The following SAMD8 variants were observed in gnomAD, a reference collection of about 807,000 sequenced individuals.
SAMD8 encodes the protein sterile alpha motif domain containing 8.
SAMD8 carries 20 observed loss-of-function variants against 42.0 expected under a neutral mutation model. The observed-to-expected ratio is 0.48, with a 90% CI of 0.34 to 0.69. The LOEUF (loss-of-function observed/expected upper bound fraction) is 0.69. SAMD8 is among the 30% of genes least tolerant of loss of function. The probability of loss-of-function intolerance (pLI) is 0.01; values close to 1 mark genes in which losing one functional copy is unlikely to be tolerated. For missense variants in SAMD8, 328 were observed against 511.6 expected, an observed-to-expected ratio of 0.64 and a Z score of 3.46; for synonymous variants, 162 against 173.0, an observed-to-expected ratio of 0.94 and a Z score of 0.50.
At chr10:75,167,660 A>G (rs536369014) in intron 3 of SAMD8, among the ~76,000 whole-genome samples, 1 of 152,330 alleles carries the variant, frequency 6.6e-6, no homozygotes, top group East Asian at 1.9e-4. Context: ...TGGCACAATC[A>G]TAGCTTGCTG....
At chr10:75,163,362 AT>A (rs1415176357) in intron 2 of SAMD8, among the ~76,000 whole-genome samples, 1 of 152,124 alleles carries the variant, frequency 6.6e-6, no homozygotes, top group Non-Finnish European at 1.5e-5. Flanking sequence ...CTATTGGACT[AT>A]TTTGTTCGTT....
chr10:75,135,390 T>C (rs1849370862), intron 1 of SAMD8, among the ~76,000 whole-genome samples: 1 of 148,022 alleles, frequency 6.8e-6, no homozygotes, highest in African/African-American at 2.5e-5. Context: ...GAGGCAGAGG[T>C]TGCGGTGAGC....
intron 1 of SAMD8, among the ~76,000 whole-genome samples, chr10:75,135,681 C>CT (rs1183401797): frequency 6.6e-6 from 1 of 151,174 alleles, no homozygotes; most frequent in East Asian, 2.0e-4. Flanking sequence ...AAAAAATTAA[C>CT]TGGGCATGGT....
At chr10:75,152,584 G>A (rs1840318288) in intron 2 of SAMD8, among the ~76,000 whole-genome samples, 1 of 152,018 alleles carries the variant, frequency 6.6e-6, no homozygotes, top group Non-Finnish European at 1.5e-5. Context: ...CAGGCATGGT[G>A]GCTCATGCCT....
At chr10:75,165,885 A>T (rs1487373967) in intron 3 of SAMD8, among the ~76,000 whole-genome samples, 1 of 144,090 alleles carries the variant, frequency 6.9e-6, no homozygotes, top group African/African-American at 2.6e-5. Flanking sequence ...CTGAGGTGGG[A>T]GGATTGCTTG....
At chr10:75,169,169 C>CA (rs1023080854) in intron 4 of SAMD8, among the ~76,000 whole-genome samples, 3,882 of 29,574 alleles carry the variant, frequency 0.13, 435 homozygotes, top group African/African-American at 0.27. Context: ...GACTCCATCT[C>CA]AAAAAAAAAA....
At chr10:75,141,013 C>T (rs538191838) in intron 1 of SAMD8, among the ~76,000 whole-genome samples, 1 of 152,088 alleles carries the variant, frequency 6.6e-6, no homozygotes, top group Non-Finnish European at 1.5e-5. Context: ...GTATTTTATA[C>T]ATTTTAATTT....
chr10:75,179,617 TC>T lies in SAMD8; in HGVS notation c.*2926del, dbSNP rs1485522092. ...ATAAGGCAGTGTTTACATAAATTAA[TC>T]ATCTCTTTCTTGGAAAACATTGAGA... On this transcript the variant is annotated 3_prime_UTR_variant, in exon 6 of 6. Coordinates refer to ENST00000542569, the MANE Select transcript of SAMD8 (RefSeq NM_001174156.2). The T allele has an allele frequency of 1.8e-4, 28 of 152,356 alleles. No homozygotes were observed. Among genetic ancestry groups the T allele is most frequent in the African/African-American group, 6.0e-4 (25 of 41,592 alleles). The allele number at this position is 152,356 out of a possible 1,614,324, so 9.4% of individuals were successfully genotyped here. A position where few individuals can be genotyped will look rare whatever the true frequency, so the allele number is the denominator to read the frequency against.
chr10:75,148,517 C>T (rs368529893), intron 1 of SAMD8, among the ~76,000 whole-genome samples: 13 of 152,156 alleles, frequency 8.5e-5, no homozygotes, highest in African/African-American at 2.7e-4. Flanking sequence ...CCATGCCCGG[C>T]TAATTTTTTG....
intron 3 of SAMD8, among the ~76,000 whole-genome samples, chr10:75,167,161 AT>A (rs942852371): frequency 3.3e-5 from 5 of 152,208 alleles, no homozygotes; most frequent in Admixed American, 6.5e-5. Context: ...TGATATAAAC[AT>A]TTTTTTTAAA....
intron 1 of SAMD8, among the ~76,000 whole-genome samples, chr10:75,128,208 G>T (rs1849190192): frequency 6.6e-6 from 1 of 151,566 alleles, no homozygotes; most frequent in African/African-American, 2.4e-5. Flanking sequence ...GAGTAGCTGG[G>T]ATTACAGGCA....
At chr10:75,120,179 C>T (rs2134424548) in intron 1 of SAMD8, among the ~76,000 whole-genome samples, 1 of 152,374 alleles carries the variant, frequency 6.6e-6, no homozygotes, top group Non-Finnish European at 1.5e-5. Context: ...TAGTGCCTAT[C>T]ACTTTAGGAA....
upstream of SAMD8, chr10:75,111,347 A>T (rs1461747901): frequency 6.8e-6 from 3 of 441,686 alleles, no homozygotes; most frequent in Non-Finnish European, 1.1e-5. Flanking sequence ...GGCCTCCGGC[A>T]TGACGCATGC....
At chr10:75,175,906 C>A in intron 4 of SAMD8, 160 bp from the exon 5 acceptor site, 1 of 985,368 alleles carries the variant, frequency 1.0e-6, no homozygotes, top group Non-Finnish European at 1.2e-6. Flanking sequence ...CCCACCCATT[C>A]TTGAAGTCTG....
At chr10:75,137,841 C>G (rs1247081176) in intron 1 of SAMD8, among the ~76,000 whole-genome samples, 1 of 152,150 alleles carries the variant, frequency 6.6e-6, no homozygotes, top group Non-Finnish European at 1.5e-5. Context: ...GGAAACAGAA[C>G]TATAACACTT....
chr10:75,168,480 C>T, intron 3 of SAMD8, 61 bp from the exon 4 acceptor site: 4 of 1,589,322 alleles, frequency 2.5e-6, no homozygotes, highest in Non-Finnish European at 3.4e-6. Context: ...ATATTTGATG[C>T]CTGGGGTTTT....
chr10:75,141,879 A>G (rs1332557210), intron 1 of SAMD8, among the ~76,000 whole-genome samples: 1 of 151,196 alleles, frequency 6.6e-6, no homozygotes, highest in Non-Finnish European at 1.5e-5. Context: ...TACACTGACC[A>G]GAACTTCTGA....
chr10:75,144,554 ATGT>A (rs1840092132), intron 1 of SAMD8, among the ~76,000 whole-genome samples: 1 of 152,140 alleles, frequency 6.6e-6, no homozygotes, highest in Non-Finnish European at 1.5e-5. Flanking sequence ...AGGCTCATCC[ATGT>A]TGTAGCATGC....
rs1267309860 is a variant in SAMD8 at position 75,180,159 on chromosome 10, C to T, written c.*3467C>T. The T allele has an allele frequency of 6.6e-6, 1 of 151,538 alleles. No homozygotes were observed. Among genetic ancestry groups the T allele is most frequent in the East Asian group, 1.9e-4 (1 of 5,196 alleles). 9.4% of individuals were successfully genotyped at this position (151,538 alleles called of 1,614,324 possible). On this transcript the variant is annotated 3_prime_UTR_variant, in exon 6 of 6. Coordinates refer to ENST00000542569, the MANE Select transcript of SAMD8 (RefSeq NM_001174156.2). ...GGGGAAACCTTTCGTGGCTGTGCTG[C>T]AAGAATTCTTTATGTGGCTATCCTC...
Sources: gnomAD v4.1 joint callset for allele counts (sites outside exome capture counted in the v4.1 genomes callset) on GRCh38, gnomAD v4.1.1 for gene constraint, MANE v1.5 for transcripts, NCBI Gene and HGNC (gene_info 2026-07-23, HGNC 2026-07-21) for gene names.